Variants in CSMD3 observed in about 807,000 individuals in gnomAD.
CSMD3 encodes the protein CUB and Sushi multiple domains 3.
In CSMD3, 177 loss-of-function variants were observed where a neutral mutation model predicts 435.2. That is an observed-to-expected ratio of 0.41 (90% confidence interval 0.36 to 0.46). The LOEUF is 0.46. Among genes scored for constraint, CSMD3 ranks in the 20% least tolerant of loss-of-function variants. The pLI is 0.34. For synonymous variants in CSMD3, 1,656 were observed against 1,520.5 expected, an observed-to-expected ratio of 1.09 and a Z score of -2.07; for missense variants, 4,265 against 4,504.6, an observed-to-expected ratio of 0.95 and a Z score of 1.52.
At chr8:112,859,002 T>C in intron 11 of CSMD3, 143 bp downstream of exon 11, 1 of 683,294 alleles carries the variant, frequency 1.5e-6, no homozygotes, top group Non-Finnish European at 2.5e-6. Context: ...ATAAATCTGG[T>C]TTATAAACTG....
intron 1 of CSMD3, 58 bp downstream of exon 1, chr8:113,436,619 C>T (rs895244224): frequency 2.1e-4 from 315 of 1,481,254 alleles, no homozygotes; most frequent in Non-Finnish European, 2.8e-4. Flanking sequence ...AGCCTCTCTC[C>T]ATCTACAAGT....
intron 29 of CSMD3, 107 bp downstream of exon 29, chr8:112,506,583 AC>A: frequency 1.8e-6 from 2 of 1,109,372 alleles, no homozygotes; most frequent in Non-Finnish European, 2.7e-6. Context: ...GTAAAAAATA[AC>A]AAAAAATGCT....
intron 6 of CSMD3, among the ~76,000 whole-genome samples, chr8:113,012,006 G>A (rs1487232827): frequency 6.6e-6 from 1 of 151,658 alleles, no homozygotes; most frequent in African/African-American, 2.4e-5. Context: ...CCAAGTGAAA[G>A]TATTTATTTA....
chr8:113,341,166 C>T (rs1323280298), intron 1 of CSMD3, among the ~76,000 whole-genome samples: 1 of 151,976 alleles, frequency 6.6e-6, no homozygotes, highest in Non-Finnish European at 1.5e-5. Context: ...TATTTATGCA[C>T]ATATATGTAC....
rs1373239960 is a variant in CSMD3 at position 112,636,797 on chromosome 8, G to A, written c.3715+20C>T. 4 of 1,606,394 alleles carry A rather than the reference G, an allele frequency of 2.5e-6. No individual in the cohort carries two copies. The highest frequency in any genetic ancestry group is 1.7e-6 in the Non-Finnish European group (2 of 1,173,770). On this transcript the variant is annotated intron_variant, in intron 22 of 70. Coordinates refer to ENST00000297405, the MANE Select transcript of CSMD3 (RefSeq NM_198123.2). ...ACAGTGACTACACATACAAGCAAAT[G>A]AAAGCAGCTGACCACGTACCCACAC...
intron 52 of CSMD3, among the ~76,000 whole-genome samples, chr8:112,303,546 CTCTT>C (rs1417688388): frequency 3.3e-5 from 5 of 151,886 alleles, no homozygotes; most frequent in Non-Finnish European, 7.4e-5. Flanking sequence ...CAGAGCAAGA[CTCTT>C]TCTCAAAAAA....
intron 6 of CSMD3, among the ~76,000 whole-genome samples, chr8:112,980,366 T>C (rs113137473): frequency 0.047 from 7,169 of 151,416 alleles, 231 homozygotes; most frequent in Non-Finnish European, 0.069. Context: ...ATAAATTAGT[T>C]TAATATATTC....
At chr8:112,367,568 A>G (rs1827895123) in intron 38 of CSMD3, among the ~76,000 whole-genome samples, 1 of 152,136 alleles carries the variant, frequency 6.6e-6, no homozygotes, top group Non-Finnish European at 1.5e-5. Flanking sequence ...TTGGCCATAA[A>G]GCTTTTCAAT....
At chr8:112,878,652 A>T (rs1227620294) in intron 10 of CSMD3, among the ~76,000 whole-genome samples, 1 of 152,158 alleles carries the variant, frequency 6.6e-6, no homozygotes, top group Non-Finnish European at 1.5e-5. Context: ...AACAGCAAAG[A>T]CTTGGAACCA....
At chr8:113,413,401 A>G (rs2094568107) in intron 1 of CSMD3, among the ~76,000 whole-genome samples, 1 of 152,136 alleles carries the variant, frequency 6.6e-6, no homozygotes, top group Non-Finnish European at 1.5e-5. Context: ...ATTGTATTCT[A>G]ACTATTGCAA....
At chr8:112,863,558 T>C (rs1028581022) in intron 10 of CSMD3, among the ~76,000 whole-genome samples, 2 of 152,066 alleles carry the variant, frequency 1.3e-5, no homozygotes, top group African/African-American at 2.4e-5. Flanking sequence ...ATTTTTTACA[T>C]AGATGACACA....
intron 3 of CSMD3, among the ~76,000 whole-genome samples, chr8:113,265,232 C>T (rs1451930026): frequency 6.6e-6 from 1 of 151,196 alleles, no homozygotes; most frequent in Non-Finnish European, 1.5e-5. Context: ...CCAAGGCCTG[C>T]ATAATGTCTG....
intron 1 of CSMD3, among the ~76,000 whole-genome samples, chr8:113,395,513 G>A (rs2094479563): frequency 6.6e-6 from 1 of 151,430 alleles, no homozygotes; most frequent in Non-Finnish European, 1.5e-5. Flanking sequence ...GGAGGCTGAG[G>A]CAGGATAATG....
At chr8:112,405,737 G>A (rs1831795941) in intron 35 of CSMD3, among the ~76,000 whole-genome samples, 1 of 151,798 alleles carries the variant, frequency 6.6e-6, no homozygotes, top group African/African-American at 2.4e-5. Context: ...AATAGAGTAA[G>A]AAAAAATTAA....
At position 113,427,087 on chromosome 8, in the gene CSMD3, CAAAT is replaced by C. The variant is rs1044179011; in HGVS notation, c.178+9586_178+9589del. On this transcript the variant is annotated intron_variant, in intron 1 of 70. Coordinates refer to ENST00000297405, the MANE Select transcript of CSMD3 (RefSeq NM_198123.2). Reference sequence around the variant, plus strand: ...AATAAAATTTCTGAAAATATAACAACAAATAAAGCTTTAATAATGCATGTAGAAA... The same window carrying C: ...AATAAAATTTCTGAAAATATAACAACAAAGCTTTAATAATGCATGTAGAAA... Among the ~76,000 whole-genome samples the C allele has an allele frequency of 6.0e-5, 9 of 151,040 alleles. No individual in the cohort carries two copies. The South Asian group carries it at 8.3e-4, about 14-fold the overall frequency.
chr8:112,301,718 A>G, intron 53 of CSMD3, 75 bp downstream of exon 53: 1 of 1,060,294 alleles, frequency 9.4e-7, no homozygotes. Context: ...ATCTCATATT[A>G]GGGAAAAAGA....
In CSMD3 at chr8:112,346,253, G is replaced by A. The variant is rs773662595; in HGVS notation, c.6326-40C>T. ...AAATCCAAAGTAAACCAGAGTAGAG[G>A]AATAATTTACTGTATTAAAAAACAT... On this transcript the variant is annotated intron_variant, in intron 40 of 70. Transcript: ENST00000297405. The A allele has an allele frequency of 7.7e-6, 9 of 1,170,270 alleles. No individual in the cohort carries two copies. The East Asian group carries it at 9.3e-5, about 12-fold the overall frequency. The allele number at this position is 1,170,270 out of a possible 1,614,324, so 72.5% of individuals were successfully genotyped here.
intron 1 of CSMD3, among the ~76,000 whole-genome samples, chr8:113,337,240 C>T (rs550168296): frequency 2.6e-5 from 4 of 152,066 alleles, no homozygotes; most frequent in African/African-American, 9.6e-5. Context: ...CCTTTTTTCC[C>T]CTACCTCTCA....
intron 24 of CSMD3, among the ~76,000 whole-genome samples, chr8:112,557,441 C>T (rs753035717): frequency 1.3e-5 from 2 of 151,872 alleles, no homozygotes; most frequent in Admixed American, 6.6e-5. Flanking sequence ...GGGGGCTTAT[C>T]GCCAGAGAAA....
Sources: gnomAD v4.1 joint callset for allele counts (sites outside exome capture counted in the v4.1 genomes callset) on GRCh38, gnomAD v4.1.1 for gene constraint, MANE v1.5 for transcripts, NCBI Gene and HGNC (gene_info 2026-07-23, HGNC 2026-07-21) for gene names.